Variants in ZDHHC18 observed in about 807,000 individuals in gnomAD.
ZDHHC18 encodes the protein zDHHC palmitoyltransferase 18.
ZDHHC18 carries 23 observed loss-of-function variants against 37.5 expected under a neutral mutation model. That is an observed-to-expected ratio of 0.61 (90% CI 0.44 to 0.87). The LOEUF (loss-of-function observed/expected upper bound fraction) is 0.87. ZDHHC18 is among the 40% of genes least tolerant of loss of function. ZDHHC18 has a pLI of 0.00. For missense variants in ZDHHC18, 406 were observed against 525.6 expected, an observed-to-expected ratio of 0.77 and a Z score of 2.22; for synonymous variants, 185 against 218.7, an observed-to-expected ratio of 0.85 and a Z score of 1.36.
Position 26,856,466 on chromosome 1 carries a change from C to A in ZDHHC18, c.*2623C>A. Reference sequence around the variant, plus strand: ...TATAGGGCAAGGCTAAAAGCCCAGCCCCATTGTGGACTGAGGAAGTAGCTT... The same window carrying A: ...TATAGGGCAAGGCTAAAAGCCCAGCACCATTGTGGACTGAGGAAGTAGCTT... On this transcript the variant is annotated 3_prime_UTR_variant, in exon 8 of 8. Transcript: ENST00000374142. The surrounding 1 kb of genome is among the most constrained non-coding windows in gnomAD (Gnocchi z 5.2). 1 of 262,738 alleles carries A rather than the reference C, an allele frequency of 3.8e-6. No individual in the cohort carries two copies. Among genetic ancestry groups the A allele is most frequent in the Non-Finnish European group, 8.3e-6 (1 of 120,824 alleles). 16.3% of individuals were successfully genotyped at this position (262,738 alleles called of 1,614,324 possible).
intron 2 of ZDHHC18, among the ~76,000 whole-genome samples, chr1:26,846,270 A>ATGTGTGTGTGTG (rs1451070196): frequency 4.1e-5 from 4 of 97,410 alleles, no homozygotes; most frequent in African/African-American, 1.6e-4. Flanking sequence ...CTATAGAGAT[A>ATGTGTGTGTGTG]TATGTGTGTG....
chr1:26,845,320 CTTTTTTTT>C (rs71007896), intron 2 of ZDHHC18, among the ~76,000 whole-genome samples: 6 of 45,190 alleles, frequency 1.3e-4, no homozygotes, highest in Admixed American at 5.5e-4. Flanking sequence ...CTTCTTCATT[CTTTTTTTT>C]TTTTTTTTTT....
chr1:26,834,727 G>A (rs184813661), intron 2 of ZDHHC18, among the ~76,000 whole-genome samples: 23 of 152,326 alleles, frequency 1.5e-4, no homozygotes, highest in Middle Eastern at 3.4e-3. Flanking sequence ...GAATAGGTGA[G>A]CTTCTGTGAA....
At chr1:26,846,235 G>T (rs572880577) in intron 2 of ZDHHC18, among the ~76,000 whole-genome samples, 162 of 10,948 alleles carry the variant, frequency 0.015, 2 homozygotes, top group African/African-American at 0.039. Flanking sequence ...TGTATATAGA[G>T]AGAGAGATAT....
chr1:26,835,513 C>T (rs915616336), intron 2 of ZDHHC18, among the ~76,000 whole-genome samples: 5 of 152,202 alleles, frequency 3.3e-5, no homozygotes, highest in South Asian at 2.1e-4. Flanking sequence ...CCATCCTGGC[C>T]AACATGGTGA....
intron 7 of ZDHHC18, 77 bp downstream of exon 7, chr1:26,852,942 G>A (rs2081714006): frequency 7.4e-6 from 10 of 1,351,948 alleles, no homozygotes; most frequent in Admixed American, 1.9e-5. Context: ...GATATCAGCC[G>A]ACCTCCCCCT....
At chr1:26,833,976 T>C (rs1377628037) in intron 2 of ZDHHC18, among the ~76,000 whole-genome samples, 1 of 152,202 alleles carries the variant, frequency 6.6e-6, no homozygotes, top group Non-Finnish European at 1.5e-5. Context: ...CAGCCACGCC[T>C]GCGAGGGCCA....
rs780599184 is a variant in ZDHHC18 at position 26,851,142 on chromosome 1, G to A, written c.847G>A (p.Val283Met). Residue 283 changes from valine to methionine, a missense_variant, in exon 6 of 8, where the codon GTG becomes ATG. Coordinates refer to ENST00000374142, the MANE Select transcript of ZDHHC18 (RefSeq NM_032283.3). ...AACTGCCCTCACCGTGCTGGAGTTGGTGATCTGCTTCTTCTCCATCTGGTC... is the reference window on the plus strand; with the variant it reads ...AACTGCCCTCACCGTGCTGGAGTTGATGATCTGCTTCTTCTCCATCTGGTC... ...KETPASVLEL[V>M]ICFFSIWSIL... is the part of the protein sequence containing the mutation. The A allele has an allele frequency of 6.2e-7, 1 of 1,614,224 alleles. No homozygotes were observed. Among genetic ancestry groups the A allele is most frequent in the Admixed American group, 1.7e-5 (1 of 60,024 alleles).
Position 26,826,727 on chromosome 1 carries a change from C to CACCTCCGCTGCT in ZDHHC18, c.-77_-66dup, listed in dbSNP as rs1553156846. On this transcript the variant is annotated 5_prime_UTR_variant, in exon 1 of 8. Transcript: ENST00000374142. The surrounding 1 kb of genome is among the most constrained non-coding windows in gnomAD (Gnocchi z 5.2). ...CGAGCGCCGCGCGCGCCGCCGCTGC[C>CACCTCCGCTGCT]ACCTCCGCTGCTCGGCCCGGTCCCG... 1 of 716,742 alleles carries CACCTCCGCTGCT rather than the reference C, an allele frequency of 1.4e-6. No individual in the cohort carries two copies. Among genetic ancestry groups the CACCTCCGCTGCT allele is most frequent in the African/African-American group, 1.9e-5 (1 of 51,596 alleles). The allele number at this position is 716,742 out of a possible 1,614,324, so 44.4% of individuals were successfully genotyped here.
intron 2 of ZDHHC18, among the ~76,000 whole-genome samples, chr1:26,846,931 C>T (rs1000762348): frequency 2.0e-5 from 3 of 151,226 alleles, no homozygotes; most frequent in Non-Finnish European, 4.4e-5. Flanking sequence ...AGTCTCCCAC[C>T]GTCGCCCAGG....
intron 2 of ZDHHC18, among the ~76,000 whole-genome samples, chr1:26,840,454 T>G (rs1165836435): frequency 6.6e-6 from 1 of 152,198 alleles, no homozygotes; most frequent in East Asian, 1.9e-4. Flanking sequence ...TTTTATTTTA[T>G]TTTTTTGAGA....
In ZDHHC18 at chr1:26,844,197, G is replaced by A. The variant is rs532858424; in HGVS notation, c.497-4411G>A. ...TGGGATTACAGGTGCACACCACCATGCCCAGCTAATTTTTGTATTTTTGTA... is the reference window on the plus strand; with the variant it reads ...TGGGATTACAGGTGCACACCACCATACCCAGCTAATTTTTGTATTTTTGTA... On this transcript the variant is annotated intron_variant, in intron 2 of 7. Transcript: ENST00000374142. Among the ~76,000 whole-genome samples, 5 of 152,148 alleles carry A rather than the reference G, an allele frequency of 3.3e-5. No homozygotes were observed. In the East Asian group the frequency reaches 9.7e-4, roughly 29 times the overall value.
At chr1:26,837,054 C>T (rs2081615230) in intron 2 of ZDHHC18, among the ~76,000 whole-genome samples, 1 of 147,920 alleles carries the variant, frequency 6.8e-6, no homozygotes, top group South Asian at 2.1e-4. Flanking sequence ...CGAGACCATC[C>T]TGGCTAACAA....
At chr1:26,848,553 T>C in intron 2 of ZDHHC18, 55 bp from the exon 3 acceptor site, 1 of 1,580,826 alleles carries the variant, frequency 6.3e-7, no homozygotes, top group Non-Finnish European at 8.7e-7. Context: ...CTGCTGGGGA[T>C]CCGGGCCCTG....
chr1:26,853,256 G>T (rs2081715788), intron 7 of ZDHHC18: 2 of 248,834 alleles, frequency 8.0e-6, no homozygotes, highest in South Asian at 5.5e-5. Context: ...GTCACTCCCT[G>T]TTCATCCTGA....
chr1:26,854,914 C>G lies in ZDHHC18; in HGVS notation c.*1071C>G, dbSNP rs1340489512. 1 of 152,372 alleles carries G rather than the reference C, an allele frequency of 6.6e-6. No individual in the cohort carries two copies. Among genetic ancestry groups the G allele is most frequent in the Non-Finnish European group, 1.5e-5 (1 of 68,164 alleles). 9.4% of individuals were successfully genotyped at this position (152,372 alleles called of 1,614,324 possible). ...TGGCTCCCATATCCCCTGGGCTGCC[C>G]CCTGCCCCATCCCCTTTGAGTGTCA... On this transcript the variant is annotated 3_prime_UTR_variant, in exon 8 of 8. Coordinates refer to ENST00000374142, the MANE Select transcript of ZDHHC18 (RefSeq NM_032283.3). The surrounding 1 kb of genome is among the most constrained non-coding windows in gnomAD (Gnocchi z 4.6).
intron 2 of ZDHHC18, among the ~76,000 whole-genome samples, chr1:26,840,531 C>T (rs2081632480): frequency 6.6e-6 from 1 of 151,552 alleles, no homozygotes; most frequent in Admixed American, 6.6e-5. Flanking sequence ...ACTTCCACCT[C>T]CTGGGTTCAA....
intron 2 of ZDHHC18, among the ~76,000 whole-genome samples, chr1:26,833,266 A>C (rs960220913): frequency 5.3e-5 from 8 of 152,194 alleles, no homozygotes; most frequent in Admixed American, 5.2e-4. Flanking sequence ...GATGAAGGCT[A>C]CAGGGAGGGT....
Position 26,855,486 on chromosome 1 carries a change from G to C in ZDHHC18, c.*1643G>C, listed in dbSNP as rs2081729192. 6.6e-6 allele frequency: 1 copy of C among 152,646 alleles called. No individual in the cohort carries two copies. The highest frequency in any genetic ancestry group is 1.5e-5 in the Non-Finnish European group (1 of 68,060). The allele number at this position is 152,646 out of a possible 1,614,324, so 9.5% of individuals were successfully genotyped here. On this transcript the variant is annotated 3_prime_UTR_variant, in exon 8 of 8. Transcript: ENST00000374142. ...TGGAAAGTGACATAGGAAGTCCCCA[G>C]ATCTTGCCCTTCTCACTCCAGAGGC...
Sources: allele counts gnomAD v4.1 joint callset (sites outside exome capture counted in the v4.1 genomes callset), GRCh38; gene constraint gnomAD v4.1.1; non-coding constraint Gnocchi (gnomAD v3.1); transcripts MANE v1.5; gene names NCBI Gene and HGNC (gene_info 2026-07-23, HGNC 2026-07-21).